PCDHA4: variants seen among roughly 807,000 people sequenced by gnomAD.
PCDHA4 encodes protocadherin alpha-4.
Under a neutral mutation model 61.4 loss-of-function variants are expected in PCDHA4, and 49 were observed. That is an observed-to-expected ratio of 0.80 (90% CI 0.63 to 1.01). The LOEUF is 1.01. Ranked by LOEUF, PCDHA4 falls within the 50% of genes least tolerant of loss-of-function variation. The pLI is 0.00. For missense variants in PCDHA4, 1,254 were observed against 1,235.8 expected, an observed-to-expected ratio of 1.01 and a Z score of -0.22; for synonymous variants, 590 against 550.3, an observed-to-expected ratio of 1.07 and a Z score of -1.01.
chr5:140,870,911 A>G (rs782609021), intron 1 of PCDHA4: 2 of 1,613,910 alleles, frequency 1.2e-6, no homozygotes, highest in Non-Finnish European at 1.7e-6. Context: ...TCAGGCTACA[A>G]CGCGTGGCTT....
At chr5:140,950,976 A>G (rs543425095) in intron 1 of PCDHA4, among the ~76,000 whole-genome samples, 188 of 151,348 alleles carry the variant, frequency 1.2e-3, no homozygotes, top group African/African-American at 4.3e-3. Flanking sequence ...AGATTCATTG[A>G]CTTTTGCCTC....
At chr5:140,892,885 ACCAACCTTTCC>A (rs1269753589) in intron 1 of PCDHA4, among the ~76,000 whole-genome samples, 1 of 152,154 alleles carries the variant, frequency 6.6e-6, no homozygotes, top group Non-Finnish European at 1.5e-5. Flanking sequence ...GTATCCATTA[ACCAACCTTTCC>A]CCATCCTCCT....
intron 3 of PCDHA4, among the ~76,000 whole-genome samples, chr5:141,007,767 G>T (rs1322859075): frequency 6.6e-6 from 1 of 152,142 alleles, no homozygotes; most frequent in African/African-American, 2.4e-5. Context: ...TATTGGCCTG[G>T]AAATGGTACT....
chr5:140,826,337 GAACCC>G (rs1768904080), intron 1 of PCDHA4, among the ~76,000 whole-genome samples: 1 of 152,056 alleles, frequency 6.6e-6, no homozygotes, highest in Non-Finnish European at 1.5e-5. Flanking sequence ...TTAAGAAATT[GAACCC>G]TTTGTTTGCC....
At chr5:140,928,466 T>C in intron 1 of PCDHA4, 13 of 1,614,140 alleles carry the variant, frequency 8.1e-6, no homozygotes, top group Non-Finnish European at 1.1e-5. Context: ...CATTTCCAAG[T>C]AGAAGGCCGG....
chr5:140,839,525 G>A (rs2150298665), intron 1 of PCDHA4, among the ~76,000 whole-genome samples: 9 of 151,898 alleles, frequency 5.9e-5, no homozygotes, highest in Admixed American at 1.3e-4. Context: ...AAGTTGCTGG[G>A]ACTATAGGCA....
chr5:140,993,509 C>CAT (rs1488940144), intron 3 of PCDHA4, among the ~76,000 whole-genome samples: 3 of 143,600 alleles, frequency 2.1e-5, no homozygotes, highest in African/African-American at 7.8e-5. Flanking sequence ...CACACACACA[C>CAT]GGGGAGAGAG....
At chr5:140,838,664 G>C (rs950566042) in intron 1 of PCDHA4, among the ~76,000 whole-genome samples, 1 of 152,010 alleles carries the variant, frequency 6.6e-6, no homozygotes, top group Non-Finnish European at 1.5e-5. Flanking sequence ...AACGGGGCAT[G>C]GTGGCACACA....
At chr5:140,905,130 G>A (rs2071615464) in intron 1 of PCDHA4, among the ~76,000 whole-genome samples, 1 of 152,178 alleles carries the variant, frequency 6.6e-6, no homozygotes, top group African/African-American at 2.4e-5. Flanking sequence ...GTCTAGAAGA[G>A]TTTTTCTGCT....
At chr5:140,982,213 A>G in intron 2 of PCDHA4, 2 of 482,032 alleles carry the variant, frequency 4.1e-6, no homozygotes, top group South Asian at 8.1e-5. Context: ...TGAGCGCCAC[A>G]TGGCGTTAAT....
chr5:140,951,333 G>A (rs922078825), intron 1 of PCDHA4, among the ~76,000 whole-genome samples: 1 of 151,964 alleles, frequency 6.6e-6, no homozygotes, highest in African/African-American at 2.4e-5. Flanking sequence ...TCATCATTCT[G>A]TTTGTGTTAG....
chr5:140,877,704 C>G, intron 1 of PCDHA4: 2 of 1,613,952 alleles, frequency 1.2e-6, no homozygotes, highest in South Asian at 1.1e-5. Context: ...GCTCCAGCGC[C>G]GTGGGGAGTT....
intron 1 of PCDHA4, chr5:140,869,913 C>T (rs782111162): frequency 3.7e-6 from 6 of 1,610,754 alleles, no homozygotes; most frequent in Non-Finnish European, 5.1e-6. Flanking sequence ...CAGACCGAGA[C>T]GAAGGAGTCA....
At chr5:140,856,776 G>A in intron 1 of PCDHA4, 1 of 1,596,678 alleles carries the variant, frequency 6.3e-7, no homozygotes, top group Non-Finnish European at 8.6e-7. Context: ...ATCTTTGACA[G>A]ACCGGTTTAT....
intron 1 of PCDHA4, chr5:140,967,445 C>T (rs782571799): frequency 3.1e-6 from 5 of 1,613,550 alleles, no homozygotes; most frequent in Non-Finnish European, 4.2e-6. Flanking sequence ...CCACCTGGTT[C>T]TCACAGCCGT....
chr5:140,986,195 A>G (rs1200850544), intron 3 of PCDHA4, among the ~76,000 whole-genome samples: 1 of 152,314 alleles, frequency 6.6e-6, no homozygotes, highest in Non-Finnish European at 1.5e-5. Context: ...TAAATTGGTT[A>G]ATCCTGATTA....
At chr5:140,923,950 C>T (rs544576500) in intron 1 of PCDHA4, among the ~76,000 whole-genome samples, 3 of 152,266 alleles carry the variant, frequency 2.0e-5, no homozygotes, top group Admixed American at 6.5e-5. Flanking sequence ...TTTTTCCTCA[C>T]GCCCTAATCT....
At chr5:141,000,429 T>A (rs1327595966) in intron 3 of PCDHA4, among the ~76,000 whole-genome samples, 40 of 124,862 alleles carry the variant, frequency 3.2e-4, no homozygotes, top group African/African-American at 1.1e-3. Flanking sequence ...ATATTTTTTT[T>A]TTTTTTTTTT....
At position 140,912,557 on chromosome 5, in the gene PCDHA4, A is replaced by T. The variant is rs1220242152; in HGVS notation, c.2386-66392A>T. On this transcript the variant is annotated intron_variant, in intron 1 of 3. Transcript: ENST00000530339. ...GATCATATTGTCAGCAAACAGCAAC[A>T]GTTTTAACTTCCTCTTTTCCAATTT... Among the ~76,000 whole-genome samples the T allele has an allele frequency of 4.6e-5, 7 of 152,154 alleles. No individual in the cohort carries two copies. The South Asian group carries it at 1.5e-3, about 32-fold the overall frequency.
Sources: gnomAD v4.1 joint callset for allele counts (sites outside exome capture counted in the v4.1 genomes callset) on GRCh38, gnomAD v4.1.1 for gene constraint, MANE v1.5 for transcripts, NCBI Gene and HGNC (gene_info 2026-07-23, HGNC 2026-07-21) for gene names.